Variants in LCT observed in about 807,000 individuals in gnomAD.
LCT encodes lactase.
In LCT, 90 loss-of-function variants were observed where a neutral mutation model predicts 173.0. That is an observed-to-expected ratio of 0.52 (90% confidence interval 0.44 to 0.62). The LOEUF is 0.62. Ranked by LOEUF, LCT falls within the 20% of genes least tolerant of loss-of-function variation. LCT has a pLI of 0.00. For missense variants in LCT, 1,864 were observed against 2,431.4 expected (o/e 0.77, Z 4.91); for synonymous variants, 853 against 957.6 (o/e 0.89, Z 2.02).
chr2:135,813,410 A>G (rs973280374), intron 6 of LCT, among the ~76,000 whole-genome samples: 11 of 152,232 alleles, frequency 7.2e-5, no homozygotes, highest in African/African-American at 2.7e-4. Context: ...AATATCATCA[A>G]CAAAGTCAAC....
intron 10 of LCT, 47 bp downstream of exon 10, chr2:135,804,720 G>GTTCC (rs760668686): frequency 6.4e-7 from 1 of 1,567,526 alleles, no homozygotes; most frequent in Non-Finnish European, 8.8e-7. Flanking sequence ...AGCCCTGCTG[G>GTTCC]TTCCTGCATG....
rs1369238657 is a variant in LCT, at chr2:135,818,050, G to A, written c.998C>T (p.Ser333Phe). The change falls in exon 6 of 17, where the codon TCT becomes TTT. Residue 333 changes from serine to phenylalanine, a missense_variant. By Grantham distance (155) the Ser-to-Phe change is radical. Transcript: ENST00000264162. ...CTGAAGGGCCAGGCTGCCAGTCAGA[G>A]AACAAGACATGCTGCAGGATTGAAG... ...SSSSKKSMSC[S>F]LTGSLALQPD... The A allele has an allele frequency of 6.2e-7, 1 of 1,613,388 alleles. No individual in the cohort carries two copies. Among genetic ancestry groups the A allele is most frequent in the East Asian group, 2.2e-5 (1 of 44,874 alleles).
intron 8 of LCT, 96 bp downstream of exon 8, chr2:135,808,347 A>G (rs1282351206): frequency 1.2e-5 from 12 of 970,594 alleles, no homozygotes; most frequent in African/African-American, 1.6e-5. Flanking sequence ...AGAGAGATCT[A>G]TTGATGGTTC....
chr2:135,801,077 C>T (rs1422030946), intron 11 of LCT, among the ~76,000 whole-genome samples: 4 of 152,152 alleles, frequency 2.6e-5, no homozygotes, highest in African/African-American at 7.2e-5. Flanking sequence ...GTATGAAACC[C>T]GCCCACAGCA....
At chr2:135,831,254 A>G (rs933640058) in intron 2 of LCT, among the ~76,000 whole-genome samples, 1 of 152,222 alleles carries the variant, frequency 6.6e-6, no homozygotes, top group African/African-American at 2.4e-5. Flanking sequence ...TACATTAACA[A>G]TGGAGAAAAT....
At chr2:135,822,289 A>G in intron 4 of LCT, 191 bp from the exon 5 acceptor site, 1 of 578,910 alleles carries the variant, frequency 1.7e-6, no homozygotes, top group Non-Finnish European at 3.1e-6. Context: ...ATTACTTAAA[A>G]GTGGTTCTCA....
At chr2:135,798,184 C>T in intron 12 of LCT, 46 bp from the exon 13 acceptor site, 3 of 943,482 alleles carry the variant, frequency 3.2e-6, no homozygotes, top group Non-Finnish European at 5.3e-6. Context: ...CAGGTGGGCA[C>T]AGCAAGAGAC....
chr2:135,825,292 T>G (rs1488634237), intron 3 of LCT, among the ~76,000 whole-genome samples: 1 of 152,210 alleles, frequency 6.6e-6, no homozygotes, highest in Non-Finnish European at 1.5e-5. Flanking sequence ...CCTGTGACTT[T>G]CTTTACAGAT....
At chr2:135,803,785 G>A in intron 11 of LCT, 145 bp downstream of exon 11, 5 of 727,934 alleles carry the variant, frequency 6.9e-6, no homozygotes, top group South Asian at 1.5e-5. Flanking sequence ...TGCCAGGAGG[G>A]AAACCTCTAC....
chr2:135,814,806 C>T (rs551244989), intron 6 of LCT, among the ~76,000 whole-genome samples: 11 of 152,240 alleles, frequency 7.2e-5, no homozygotes, highest in East Asian at 1.9e-4. Flanking sequence ...TGAGCCACCG[C>T]GCCTGGCCCA....
At position 135,832,088 on chromosome 2, in the gene LCT, C is replaced by T. The variant is rs1053725139; in HGVS notation, c.720+1023G>A. Among the ~76,000 whole-genome samples the T allele has an allele frequency of 4.6e-5, 7 of 151,952 alleles. No individual in the cohort carries two copies. In the East Asian group the frequency reaches 1.4e-3, roughly 29 times the overall value. On this transcript the variant is annotated intron_variant, in intron 2 of 16. Coordinates refer to ENST00000264162, the MANE Select transcript of LCT (RefSeq NM_002299.4). Reference sequence around the variant, plus strand: ...AAAATTAGCCGGGCGTGGTGGTGCACACCTGTAATCCCAGCTACTTGGGAG... The same window carrying T: ...AAAATTAGCCGGGCGTGGTGGTGCATACCTGTAATCCCAGCTACTTGGGAG...
chr2:135,824,720 C>T (rs1195738215), intron 3 of LCT, among the ~76,000 whole-genome samples: 1 of 151,882 alleles, frequency 6.6e-6, no homozygotes, highest in Non-Finnish European at 1.5e-5. Flanking sequence ...TTACAGCAGC[C>T]CAGCGGGTGT....
chr2:135,788,568 G>A lies in LCT; in HGVS notation c.5564-24C>T, dbSNP rs79703035. The A allele has an allele frequency of 1.9e-3, 2,730 of 1,468,892 alleles. 33 individuals are homozygous for A. In the African/African-American group the frequency reaches 0.03, roughly 16 times the overall value. 91.0% of individuals were successfully genotyped at this position (1,468,892 alleles called of 1,614,324 possible). On this transcript the variant is annotated intron_variant, in intron 16 of 16. Transcript: ENST00000264162. ...ATCTAGGAGAGTGTGACACAGGGTG[G>A]TTGGTGCTCTGGCGCTGATTTGAGT...
chr2:135,801,560 A>G (rs544293789), intron 11 of LCT, among the ~76,000 whole-genome samples: 2 of 151,844 alleles, frequency 1.3e-5, no homozygotes, highest in East Asian at 4.0e-4. Context: ...CTAAAAATAC[A>G]AAAAATTAGC....
At chr2:135,827,569 TA>T (rs2077898056) in intron 3 of LCT, among the ~76,000 whole-genome samples, 3 of 150,644 alleles carry the variant, frequency 2.0e-5, no homozygotes, top group Admixed American at 1.3e-4. Context: ...TTGGGGGAGG[TA>T]GGGGGGATGA....
At chr2:135,810,072 G>T in intron 7 of LCT, 79 bp from the exon 8 acceptor site, 3 of 1,052,740 alleles carry the variant, frequency 2.8e-6, no homozygotes, top group East Asian at 2.6e-5. Flanking sequence ...TATTGCCCAG[G>T]CTGGTCTCAA....
intron 3 of LCT, 82 bp from the exon 4 acceptor site, chr2:135,824,085 A>G: frequency 1.1e-6 from 1 of 919,796 alleles, no homozygotes; most frequent in Non-Finnish European, 1.8e-6. Flanking sequence ...CAAGATGAGA[A>G]GCTGTGGCAC....
At chr2:135,828,729 T>C (rs2077907651) in intron 3 of LCT, among the ~76,000 whole-genome samples, 1 of 152,152 alleles carries the variant, frequency 6.6e-6, no homozygotes, top group African/African-American at 2.4e-5. Context: ...AGGAGGCTCC[T>C]AACACACTTT....
intron 1 of LCT, among the ~76,000 whole-genome samples, chr2:135,835,352 A>G (rs893269753): frequency 2.0e-5 from 3 of 151,350 alleles, no homozygotes; most frequent in African/African-American, 7.3e-5. Flanking sequence ...CCTGGCCTCA[A>G]GCAATCCCCC....
Sources: gnomAD v4.1 joint callset for allele counts (sites outside exome capture counted in the v4.1 genomes callset) on GRCh38, gnomAD v4.1.1 for gene constraint, MANE v1.5 for transcripts, NCBI Gene and HGNC (gene_info 2026-07-23, HGNC 2026-07-21) for gene names.